GK5: variants seen among roughly 807,000 people sequenced by gnomAD.
GK5 encodes ATP:glycerol 3-phosphotransferase 5.
In GK5, 39 loss-of-function variants were observed where a neutral mutation model predicts 77.3. The observed-to-expected ratio is 0.50, with a 90% CI of 0.39 to 0.66. GK5 has a LOEUF of 0.66. Ranked by LOEUF, GK5 falls within the 30% of genes least tolerant of loss-of-function variation. The probability of loss-of-function intolerance (pLI) is 0.00; values close to 1 mark genes in which losing one functional copy is unlikely to be tolerated. For synonymous variants in GK5, 211 were observed against 208.0 expected (o/e 1.01, Z -0.13); for missense variants, 487 against 633.8 (o/e 0.77, Z 2.49).
intron 4 of GK5, among the ~76,000 whole-genome samples, chr3:142,203,248 C>T (rs1210198964): frequency 6.6e-6 from 1 of 152,068 alleles, no homozygotes; most frequent in African/African-American, 2.4e-5. Flanking sequence ...GTACATTTTT[C>T]TATATTAAAC....
Position 142,188,124 on chromosome 3 carries a change from C to T in GK5, c.544-345G>A, listed in dbSNP as rs1287394289. Among the ~76,000 whole-genome samples the T allele has an allele frequency of 5.9e-5, 9 of 152,036 alleles. No individual in the cohort carries two copies. The South Asian group carries it at 8.3e-4, about 14-fold the overall frequency. ...TAAACATACACTAGTCGGCTGGGTG[C>T]GTTGGCTCACGCCTGTAATCCCAGT... is the stretch of plus-strand genomic sequence containing the variant. On this transcript the variant is annotated intron_variant, in intron 5 of 15. Coordinates refer to ENST00000392993, the MANE Select transcript of GK5 (RefSeq NM_001039547.3).
chr3:142,197,079 C>T (rs564529883), intron 5 of GK5, among the ~76,000 whole-genome samples: 57 of 151,820 alleles, frequency 3.8e-4, no homozygotes, highest in African/African-American at 1.3e-3. Context: ...CCCAGCTACT[C>T]GGGAGGCTGA....
intron 9 of GK5, 127 bp from the exon 10 acceptor site, chr3:142,183,176 TAAA>T: frequency 1.4e-6 from 1 of 710,292 alleles, no homozygotes. Flanking sequence ...TCCTTAAAAT[TAAA>T]AAAAAAAATC....
At chr3:142,182,637 C>T (rs531854419) in intron 10 of GK5, among the ~76,000 whole-genome samples, 2 of 152,284 alleles carry the variant, frequency 1.3e-5, no homozygotes, top group South Asian at 2.1e-4. Flanking sequence ...GCATGAGCCA[C>T]CATGCCCGGC....
intron 3 of GK5, among the ~76,000 whole-genome samples, chr3:142,207,868 T>C (rs2064133670): frequency 2.0e-5 from 3 of 152,172 alleles, no homozygotes. Flanking sequence ...AGGGTCCTGT[T>C]TTTCACCTTT....
rs143247187 is a variant in GK5, at chr3:142,199,210, T to C, written c.412-277A>G. On this transcript the variant is annotated intron_variant, in intron 4 of 15. Coordinates refer to ENST00000392993, the MANE Select transcript of GK5 (RefSeq NM_001039547.3). Reference sequence around the variant, plus strand: ...ACTTTTTTAAAAAAAAACAACTATATTTTTACCTCTCTACCTATTTTTAAC... The same window carrying C: ...ACTTTTTTAAAAAAAAACAACTATACTTTTACCTCTCTACCTATTTTTAAC... 3.1e-3 allele frequency among the ~76,000 whole-genome samples: 478 copies of C among 152,240 alleles called. 2 individuals are homozygous for C. The highest frequency in any genetic ancestry group is 0.011 in the African/African-American group (456 of 41,554).
chr3:142,193,954 T>C (rs1445108738), intron 5 of GK5, among the ~76,000 whole-genome samples: 1 of 151,952 alleles, frequency 6.6e-6, no homozygotes, highest in East Asian at 1.9e-4. Context: ...TTGGCCAGGC[T>C]GGTCTCGAAA....
intron 4 of GK5, among the ~76,000 whole-genome samples, chr3:142,199,461 CATA>C (rs2063985622): frequency 6.6e-6 from 1 of 152,090 alleles, no homozygotes; most frequent in African/African-American, 2.4e-5. Flanking sequence ...TCACATTAAT[CATA>C]ATCTTATATC....
chr3:142,213,684 C>G (rs372415856), intron 2 of GK5, 83 bp from the exon 3 acceptor site: 6 of 874,506 alleles, frequency 6.9e-6, no homozygotes, highest in South Asian at 3.3e-5. Flanking sequence ...AAAAGAAATC[C>G]AATATAATCT....
chr3:142,181,544 C>T lies in GK5; in HGVS notation c.965G>A (p.Trp322Ter). 1 of 1,612,478 alleles carries T rather than the reference C, an allele frequency of 6.2e-7. No homozygotes were observed. The highest frequency in any genetic ancestry group is 8.5e-7 in the Non-Finnish European group (1 of 1,178,954). Residue 322 changes from tryptophan to a stop codon, truncating the protein, a stop_gained, in exon 11 of 16, where the codon TGG becomes TAG. Transcript: ENST00000392993. LOFTEE classifies it high-confidence loss of function. ...TTGGFYPLIGWKIGQEVVCLA... is the reference protein window; with the variant it reads ...TTGGFYPLIG Reference sequence around the variant, plus strand: ...GCATACGACTTCTTGCCCAATCTTCCACCCAATTAATGGATAAAAGCCTTG... The same window carrying T: ...GCATACGACTTCTTGCCCAATCTTCTACCCAATTAATGGATAAAAGCCTTG...
intron 1 of GK5, among the ~76,000 whole-genome samples, chr3:142,224,379 C>G (rs2064399060): frequency 6.6e-6 from 1 of 152,170 alleles, no homozygotes; most frequent in South Asian, 2.1e-4. Flanking sequence ...GCACTGCACT[C>G]CAGCCTGGGT....
chr3:142,162,335 A>G lies in GK5; in HGVS notation c.*3287T>C, dbSNP rs549424350. 3 of 152,320 alleles carry G rather than the reference A, an allele frequency of 2.0e-5. No homozygotes were observed. The South Asian group carries it at 6.2e-4, about 32-fold the overall frequency. 9.4% of individuals were successfully genotyped at this position (152,320 alleles called of 1,614,324 possible). On this transcript the variant is annotated 3_prime_UTR_variant, in exon 16 of 16. Coordinates refer to ENST00000392993, the MANE Select transcript of GK5 (RefSeq NM_001039547.3). Reference sequence around the variant, plus strand: ...GCAATGTTTGAAGACATTTTTGGCCATAACAACTAGGGGGATGGTACTTGT... The same window carrying G: ...GCAATGTTTGAAGACATTTTTGGCCGTAACAACTAGGGGGATGGTACTTGT...
intron 1 of GK5, among the ~76,000 whole-genome samples, chr3:142,220,737 G>C (rs1304826673): frequency 6.6e-6 from 1 of 152,160 alleles, no homozygotes; most frequent in Non-Finnish European, 1.5e-5. Context: ...AATATAAAGT[G>C]AGTATATGAA....
rs1297962000 is a variant in GK5, at chr3:142,158,907, A to C, written c.*6715T>G. 2.6e-5 allele frequency: 4 copies of C among 152,350 alleles called. No individual in the cohort carries two copies. The highest frequency in any genetic ancestry group is 5.9e-5 in the Non-Finnish European group (4 of 68,032). 9.4% of individuals were successfully genotyped at this position (152,350 alleles called of 1,614,324 possible). A position where few individuals can be genotyped will look rare whatever the true frequency, so the allele number is the denominator to read the frequency against. On this transcript the variant is annotated 3_prime_UTR_variant, in exon 16 of 16. Coordinates refer to ENST00000392993, the MANE Select transcript of GK5 (RefSeq NM_001039547.3). ...TACCATACTCTATAATGAGCAAAGA[A>C]AGAATATGAGAACTCTTGGGCTCAG...
chr3:142,199,426 T>C (rs1339915121), intron 4 of GK5, among the ~76,000 whole-genome samples: 1 of 152,176 alleles, frequency 6.6e-6, no homozygotes, highest in Non-Finnish European at 1.5e-5. Context: ...ATCTTTGATT[T>C]TGAAGGCTCA....
chr3:142,223,871 G>A (rs1021481625), intron 1 of GK5, among the ~76,000 whole-genome samples: 1 of 152,000 alleles, frequency 6.6e-6, no homozygotes, highest in Non-Finnish European at 1.5e-5. Context: ...ATGGAAGGAA[G>A]TCTGATGTTT....
chr3:142,174,123 T>C (rs902945405), intron 12 of GK5, among the ~76,000 whole-genome samples: 1 of 152,140 alleles, frequency 6.6e-6, no homozygotes, highest in African/African-American at 2.4e-5. Context: ...ACACTATAAG[T>C]ACCACAGGGT....
intron 9 of GK5, chr3:142,185,004 T>C: frequency 6.1e-6 from 6 of 985,530 alleles, no homozygotes; most frequent in Non-Finnish European, 7.2e-6. Flanking sequence ...TTAAATTCCC[T>C]TTCCCTCAGC....
At chr3:142,212,237 G>A (rs2064196994) in intron 3 of GK5, among the ~76,000 whole-genome samples, 1 of 152,044 alleles carries the variant, frequency 6.6e-6, no homozygotes, top group Non-Finnish European at 1.5e-5. Flanking sequence ...TTTTGGGGGA[G>A]GGAATGTGGG....
Sources: allele counts gnomAD v4.1 joint callset (sites outside exome capture counted in the v4.1 genomes callset), GRCh38; gene constraint gnomAD v4.1.1; transcripts MANE v1.5; gene names NCBI Gene and HGNC (gene_info 2026-07-23, HGNC 2026-07-21).